SCUBE1: variants seen among roughly 807,000 people sequenced by gnomAD.
SCUBE1 encodes the protein signal peptide, CUB and EGF-like domain-containing protein 1.
A neutral mutation model predicts 124.4 loss-of-function variants in SCUBE1; 59 were observed. That is an observed-to-expected ratio of 0.47 (90% CI 0.38 to 0.59). The LOEUF (loss-of-function observed/expected upper bound fraction) is 0.59, where lower values mean the gene tolerates loss of function less well. SCUBE1 is among the 20% of genes least tolerant of loss of function. The probability of loss-of-function intolerance (pLI) is 0.00; values close to 1 mark genes in which losing one functional copy is unlikely to be tolerated. For missense variants in SCUBE1, 1,150 were observed against 1,371.2 expected (o/e 0.84, Z 2.55); for synonymous variants, 545 against 550.9 (o/e 0.99, Z 0.15).
At chr22:43,206,131 C>T (rs1188163996) in intron 21 of SCUBE1, among the ~76,000 whole-genome samples, 15 of 138,196 alleles carry the variant, frequency 1.1e-4, no homozygotes, top group African/African-American at 3.6e-4. Context: ...ACCCACTACA[C>T]ACACCGCCTC....
intron 3 of SCUBE1, among the ~76,000 whole-genome samples, chr22:43,303,851 T>C (rs1456036861): frequency 6.6e-6 from 1 of 152,238 alleles, no homozygotes; most frequent in East Asian, 1.9e-4. Flanking sequence ...TTCCGTCTTT[T>C]TGCATGAGCT....
At chr22:43,289,481 T>C (rs1925274418) in intron 4 of SCUBE1, among the ~76,000 whole-genome samples, 1 of 152,246 alleles carries the variant, frequency 6.6e-6, no homozygotes, top group South Asian at 2.1e-4. Flanking sequence ...GAGCCATGAT[T>C]AGCAGGCCCG....
At chr22:43,293,132 T>C (rs750197147) in intron 3 of SCUBE1, among the ~76,000 whole-genome samples, 4 of 152,214 alleles carry the variant, frequency 2.6e-5, no homozygotes, top group Non-Finnish European at 5.9e-5. Flanking sequence ...GCCTCAGCCA[T>C]GTCTGCCCCT....
chr22:43,334,236 C>T (rs1334782214), intron 2 of SCUBE1, among the ~76,000 whole-genome samples: 1 of 152,140 alleles, frequency 6.6e-6, no homozygotes, highest in Non-Finnish European at 1.5e-5. Context: ...TTTGCCATCC[C>T]CGAAGTAGGC....
intron 10 of SCUBE1, among the ~76,000 whole-genome samples, chr22:43,225,277 G>A (rs1196667807): frequency 6.6e-6 from 1 of 151,916 alleles, no homozygotes; most frequent in Non-Finnish European, 1.5e-5. Context: ...GATCTCTAAT[G>A]CTGGATGTAA....
intron 6 of SCUBE1, among the ~76,000 whole-genome samples, chr22:43,247,325 G>T (rs889392359): frequency 6.6e-6 from 1 of 152,150 alleles, no homozygotes; most frequent in Admixed American, 6.5e-5. Context: ...CTGGCCCTGG[G>T]GTGCTGGTGG....
At chr22:43,215,061 AGGCAGT>A (rs1375506810) in intron 15 of SCUBE1, among the ~76,000 whole-genome samples, 2 of 152,326 alleles carry the variant, frequency 1.3e-5, no homozygotes, top group Admixed American at 1.3e-4. Context: ...GAGGGCCTAG[AGGCAGT>A]GGTACTCCAG....
intron 3 of SCUBE1, among the ~76,000 whole-genome samples, chr22:43,308,685 T>C (rs1223918392): frequency 6.6e-6 from 1 of 152,212 alleles, no homozygotes; most frequent in Admixed American, 6.5e-5. Context: ...ACGGAGCATC[T>C]GGGCACTCGC....
At chr22:43,311,817 A>G (rs1371572423) in intron 3 of SCUBE1, among the ~76,000 whole-genome samples, 1 of 152,104 alleles carries the variant, frequency 6.6e-6, no homozygotes, top group Non-Finnish European at 1.5e-5. Context: ...ATCTCATCTA[A>G]TTAATCTTTA....
chr22:43,343,324 G>A lies in SCUBE1; in HGVS notation c.-63C>T, dbSNP rs1927398739. The A allele has an allele frequency of 3.8e-6, 3 of 799,882 alleles. No homozygotes were observed. The highest frequency in any genetic ancestry group is 1.7e-4 in the East Asian group (2 of 11,668). The allele number at this position is 799,882 out of a possible 1,614,324, so 49.5% of individuals were successfully genotyped here. ...GGCGCGGGGACCCGACCGACCGGCC[G>A]CTCCCGCAGGCGCTGCTCGCTGCTC... On this transcript the variant is annotated 5_prime_UTR_variant, in exon 1 of 22. Coordinates refer to ENST00000360835, the MANE Select transcript of SCUBE1 (RefSeq NM_173050.5).
intron 2 of SCUBE1, among the ~76,000 whole-genome samples, chr22:43,329,599 G>A (rs1370890042): frequency 1.3e-5 from 2 of 152,366 alleles, no homozygotes; most frequent in South Asian, 2.1e-4. Flanking sequence ...TGAAGACCCT[G>A]GAGGGAGTGG....
intron 6 of SCUBE1, among the ~76,000 whole-genome samples, chr22:43,239,790 C>G (rs1484724693): frequency 2.0e-5 from 3 of 152,224 alleles, no homozygotes; most frequent in African/African-American, 4.8e-5. Context: ...GGGCTTCCCT[C>G]TTCGCCTTGC....
chr22:43,262,976 C>G, intron 4 of SCUBE1, 131 bp from the exon 5 acceptor site: 4 of 927,906 alleles, frequency 4.3e-6, no homozygotes, highest in Non-Finnish European at 6.6e-6. Context: ...ATCATGCACA[C>G]ACACGCACTT....
chr22:43,198,851 A>AGT lies in SCUBE1; in HGVS notation c.*5144_*5145dup. The AGT allele has an allele frequency of 2.5e-6, 1 of 399,776 alleles. No homozygotes were observed. The highest frequency in any genetic ancestry group is 5.0e-6 in the Non-Finnish European group (1 of 198,498). 24.8% of individuals were successfully genotyped at this position (399,776 alleles called of 1,614,324 possible). A position where few individuals can be genotyped will look rare whatever the true frequency, so the allele number is the denominator to read the frequency against. Reference sequence around the variant, plus strand: ...TGTCTGTCTATCTGCTGTCTGGGGAAGTGTGTCTGTCTGTCTGCTGTCTGG... The same window carrying AGT: ...TGTCTGTCTATCTGCTGTCTGGGGAAGTGTGTGTCTGTCTGTCTGCTGTCTGG... On this transcript the variant is annotated 3_prime_UTR_variant, in exon 22 of 22. Transcript: ENST00000360835.
Position 43,211,006 on chromosome 22 carries a change from C to T in SCUBE1, c.2299G>A (p.Glu767Lys), listed in dbSNP as rs138417338. Residue 767 changes from glutamate to lysine, a missense_variant, in exon 18 of 22, where the codon GAG becomes AAG. Glu to Lys is a moderately conservative substitution (Grantham distance 56, BLOSUM62 1). Transcript: ENST00000360835. This position sits in a 1 kb window ranked among gnomAD's most constrained non-coding sequence, Gnocchi z 4.5. ...GTGATGCAGTGGTTCTGGCCAAACT[C>T]GGGCTGGTAGGTGCCGACGGGGCAG... ...IRCPVGTYQP[E>K]FGQNHCITCP... is the part of the protein sequence containing the mutation. The T allele has an allele frequency of 4.7e-5, 76 of 1,614,024 alleles. No individual in the cohort carries two copies. The highest frequency in any genetic ancestry group is 5.8e-5 in the Non-Finnish European group (69 of 1,180,030).
intron 10 of SCUBE1, among the ~76,000 whole-genome samples, chr22:43,226,218 T>C (rs1347080054): frequency 6.6e-6 from 1 of 152,086 alleles, no homozygotes; most frequent in South Asian, 2.1e-4. Context: ...GAGAGAGAGA[T>C]GGACAGACAG....
intron 3 of SCUBE1, among the ~76,000 whole-genome samples, chr22:43,291,581 C>T (rs1251669140): frequency 6.6e-6 from 1 of 151,954 alleles, no homozygotes; most frequent in Non-Finnish European, 1.5e-5. Flanking sequence ...TCGCGCTGCA[C>T]TACAGTGGTA....
At chr22:43,288,264 G>A (rs993301449) in intron 4 of SCUBE1, among the ~76,000 whole-genome samples, 1 of 152,140 alleles carries the variant, frequency 6.6e-6, no homozygotes, top group Non-Finnish European at 1.5e-5. Context: ...CATCTGGGTG[G>A]AGTGAGCCAT....
intron 1 of SCUBE1, among the ~76,000 whole-genome samples, chr22:43,339,744 G>GCATCA (rs1927228504): frequency 1.4e-5 from 1 of 72,262 alleles, no homozygotes; most frequent in Non-Finnish European, 2.6e-5. Context: ...CACAAGCATA[G>GCATCA]CTCCAACCCT....
Sources: gnomAD v4.1 joint callset for allele counts (sites outside exome capture counted in the v4.1 genomes callset) on GRCh38, gnomAD v4.1.1 for gene constraint, Gnocchi (gnomAD v3.1) non-coding constraint, MANE v1.5 for transcripts, NCBI Gene and HGNC (gene_info 2026-07-23, HGNC 2026-07-21) for gene names.